The following PPP2R2A variants were observed in gnomAD, a reference collection of about 807,000 sequenced individuals.
PPP2R2A encodes serine/threonine-protein phosphatase 2A 55 kDa regulatory subunit B alpha isoform.
PPP2R2A carries 9 observed loss-of-function variants against 53.2 expected under a neutral mutation model. The ratio of observed to expected loss-of-function variants is 0.17; its 90% CI spans 0.10 to 0.30. The LOEUF (loss-of-function observed/expected upper bound fraction) is 0.30. Among genes scored for constraint, PPP2R2A ranks in the 10% least tolerant of loss-of-function variants. PPP2R2A has a pLI of 1.00. For missense variants in PPP2R2A, 235 were observed against 534.6 expected, an observed-to-expected ratio of 0.44 and a Z score of 5.53; for synonymous variants, 169 against 174.2, an observed-to-expected ratio of 0.97 and a Z score of 0.23.
intron 1 of PPP2R2A, chr8:26,293,274 A>G (rs945372236): frequency 1.0e-5 from 16 of 1,534,510 alleles, no homozygotes; most frequent in Admixed American, 7.8e-5. Context: ...TCTTCGTTCT[A>G]TGTTTCATGG....
In PPP2R2A at chr8:26,371,377, T is replaced by A. The variant is rs1341023992; in HGVS notation, c.*964T>A. ...CTAGTTTTTTTTTTTTTTTTTACCA[T>A]CATGAGGGTATTGGATACATTGTGT... On this transcript the variant is annotated 3_prime_UTR_variant, in exon 10 of 10. Coordinates refer to ENST00000380737, the MANE Select transcript of PPP2R2A (RefSeq NM_002717.4). 6.8e-6 allele frequency: 1 copy of A among 146,444 alleles called. No homozygotes were observed. The highest frequency in any genetic ancestry group is 2.5e-5 in the African/African-American group (1 of 40,634). The allele number at this position is 146,444 out of a possible 1,614,324, so 9.1% of individuals were successfully genotyped here.
chr8:26,332,343 A>G, intron 2 of PPP2R2A, among the ~76,000 whole-genome samples: 1 of 149,858 alleles, frequency 6.7e-6, no homozygotes, highest in Non-Finnish European at 1.5e-5. Context: ...CCTGGGTGAC[A>G]GAGCAAGACT....
chr8:26,316,689 A>T (rs1259739382), intron 2 of PPP2R2A, among the ~76,000 whole-genome samples: 1 of 152,208 alleles, frequency 6.6e-6, no homozygotes, highest in Non-Finnish European at 1.5e-5. Context: ...GATCAAGGCA[A>T]CTGCAGATCT....
chr8:26,304,996 CTA>C (rs1246107637), intron 2 of PPP2R2A, among the ~76,000 whole-genome samples: 2 of 152,150 alleles, frequency 1.3e-5, no homozygotes, highest in Non-Finnish European at 2.9e-5. Context: ...AGTGTTAACT[CTA>C]TTCATATTGT....
intron 2 of PPP2R2A, among the ~76,000 whole-genome samples, chr8:26,305,753 AGAT>A (rs1417819255): frequency 6.6e-6 from 1 of 152,238 alleles, no homozygotes; most frequent in Non-Finnish European, 1.5e-5. Context: ...AAAATTTTAC[AGAT>A]GATACTAGAG....
intron 9 of PPP2R2A, among the ~76,000 whole-genome samples, chr8:26,367,585 GTTTA>G (rs1805445358): frequency 6.6e-6 from 1 of 152,148 alleles, no homozygotes; most frequent in Admixed American, 6.5e-5. Flanking sequence ...TCTATTCTCT[GTTTA>G]TTTATAGCTA....
At chr8:26,333,262 G>T (rs903556141) in intron 2 of PPP2R2A, among the ~76,000 whole-genome samples, 1 of 152,162 alleles carries the variant, frequency 6.6e-6, no homozygotes, top group African/African-American at 2.4e-5. Context: ...TTCCATTAAA[G>T]AATTATTTAC....
chr8:26,326,957 G>A (rs1027818275), intron 2 of PPP2R2A, among the ~76,000 whole-genome samples: 1 of 152,180 alleles, frequency 6.6e-6, no homozygotes, highest in Admixed American at 6.5e-5. Context: ...GGTTGCAGTA[G>A]GATATGATTC....
At chr8:26,359,274 A>G (rs774043043) in intron 4 of PPP2R2A, among the ~76,000 whole-genome samples, 7 of 152,218 alleles carry the variant, frequency 4.6e-5, no homozygotes, top group Non-Finnish European at 8.8e-5. Context: ...TGATGACTAA[A>G]TGCAGTGTTG....
At chr8:26,334,256 T>A (rs1196079592) in intron 2 of PPP2R2A, among the ~76,000 whole-genome samples, 2 of 152,308 alleles carry the variant, frequency 1.3e-5, no homozygotes, top group Admixed American at 1.3e-4. Flanking sequence ...TTAAAGAAGT[T>A]GTTTGTTCTT....
At chr8:26,293,300 A>G (rs1436914400) in intron 1 of PPP2R2A, 3 of 1,523,520 alleles carry the variant, frequency 2.0e-6, no homozygotes, top group South Asian at 1.2e-5. Context: ...TAACCTTATT[A>G]ACTCTTCTGC....
At chr8:26,313,070 G>C (rs1327657529) in intron 2 of PPP2R2A, among the ~76,000 whole-genome samples, 6 of 137,360 alleles carry the variant, frequency 4.4e-5, no homozygotes, top group African/African-American at 1.6e-4. Context: ...ATGAAATCTT[G>C]TTCTGTCGCC....
intron 3 of PPP2R2A, among the ~76,000 whole-genome samples, chr8:26,344,579 T>G (rs1018827521): frequency 1.3e-5 from 2 of 152,192 alleles, no homozygotes; most frequent in African/African-American, 2.4e-5. Context: ...TTGAACAGCC[T>G]TGGTTCTAGT....
chr8:26,352,972 T>A (rs1313624586), intron 3 of PPP2R2A, among the ~76,000 whole-genome samples: 1 of 152,218 alleles, frequency 6.6e-6, no homozygotes, highest in Non-Finnish European at 1.5e-5. Flanking sequence ...TATTATAGTC[T>A]CTTTAAGTGT....
At chr8:26,361,278 AT>A in intron 6 of PPP2R2A, 127 bp downstream of exon 6, 2 of 834,128 alleles carry the variant, frequency 2.4e-6, no homozygotes, top group South Asian at 3.2e-5. Context: ...ATGGCACCTT[AT>A]TTTTTTCTTT....
intron 2 of PPP2R2A, among the ~76,000 whole-genome samples, chr8:26,304,133 G>C (rs1801910071): frequency 6.6e-6 from 1 of 152,190 alleles, no homozygotes; most frequent in Non-Finnish European, 1.5e-5. Context: ...GAAGAATCAA[G>C]GATATTTGTG....
intron 2 of PPP2R2A, among the ~76,000 whole-genome samples, chr8:26,297,772 G>C (rs543057905): frequency 1.3e-4 from 20 of 152,166 alleles, no homozygotes; most frequent in Non-Finnish European, 2.1e-4. Context: ...TGAGGATTTA[G>C]ATATTATTAC....
intron 2 of PPP2R2A, among the ~76,000 whole-genome samples, chr8:26,308,703 G>A (rs1802134379): frequency 6.6e-6 from 1 of 152,090 alleles, no homozygotes; most frequent in South Asian, 2.1e-4. Flanking sequence ...GCTCCTTTCA[G>A]ACTCTTGTCA....
intron 2 of PPP2R2A, among the ~76,000 whole-genome samples, chr8:26,308,987 A>G (rs539813361): frequency 1.7e-4 from 26 of 151,870 alleles, no homozygotes; most frequent in African/African-American, 6.0e-4. Context: ...CAGCCTTCCA[A>G]GTGGTTGGGG....
Sources: gnomAD v4.1 joint callset for allele counts (sites outside exome capture counted in the v4.1 genomes callset) on GRCh38, gnomAD v4.1.1 for gene constraint, MANE v1.5 for transcripts, NCBI Gene and HGNC (gene_info 2026-07-23, HGNC 2026-07-21) for gene names.